DOCK10: variants seen among roughly 807,000 people sequenced by gnomAD.
DOCK10 encodes dedicator of cytokinesis 10.
In DOCK10, 145 loss-of-function variants were observed where a neutral mutation model predicts 280.1. The observed-to-expected ratio is 0.52, with a 90% CI of 0.45 to 0.59. DOCK10 has a LOEUF of 0.59. DOCK10 is among the 20% of genes least tolerant of loss of function. The pLI, the probability that DOCK10 is intolerant of heterozygous loss-of-function variation, is 0.00. For synonymous variants in DOCK10, 915 were observed against 942.2 expected, an observed-to-expected ratio of 0.97 and a Z score of 0.53; for missense variants, 2,368 against 2,651.7, an observed-to-expected ratio of 0.89 and a Z score of 2.35.
At chr2:224,839,838 A>T in intron 24 of DOCK10, 116 bp downstream of exon 24, 1 of 459,662 alleles carries the variant, frequency 2.2e-6, no homozygotes, top group Non-Finnish European at 3.9e-6. Flanking sequence ...CTTAAATTTG[A>T]GATGTGTTCA....
chr2:224,876,048 A>T lies in DOCK10; in HGVS notation c.921T>A (p.Asp307Glu). 1.9e-6 allele frequency: 3 copies of T among 1,612,616 alleles called. No homozygotes were observed. The highest frequency in any genetic ancestry group is 2.5e-6 in the Non-Finnish European group (3 of 1,179,468). The change falls in exon 8 of 56, where the codon GAT becomes GAA. Residue 307 changes from aspartate to glutamate, a missense_variant. Physicochemically the swap from Asp to Glu is conservative, Grantham distance 45. Transcript: ENST00000258390. ...TTCATATGCTCTCACCCAGACCCAG[A>T]TCAGTGAGCTCTGTGCTCCTCCTCC... ...LQGRRSTELTDLGLDSLDNSV... is the reference protein window; with the variant it reads ...LQGRRSTELTELGLDSLDNSV...
At chr2:225,029,892 C>T (rs969618089) in intron 1 of DOCK10, among the ~76,000 whole-genome samples, 2 of 151,760 alleles carry the variant, frequency 1.3e-5, no homozygotes, top group African/African-American at 4.8e-5. Context: ...ACCTGTAATC[C>T]CAGCACTTTG....
intron 27 of DOCK10, among the ~76,000 whole-genome samples, chr2:224,827,611 C>T (rs951673370): frequency 3.3e-5 from 5 of 152,128 alleles, no homozygotes; most frequent in African/African-American, 4.8e-5. Flanking sequence ...GCGTCGTTTT[C>T]GTCAGCTAAC....
intron 29 of DOCK10, among the ~76,000 whole-genome samples, chr2:224,818,525 G>A (rs1421506878): frequency 6.6e-6 from 1 of 151,720 alleles, no homozygotes; most frequent in African/African-American, 2.4e-5. Flanking sequence ...AGCATCCTGA[G>A]TAGCTGGAGC....
At chr2:224,889,352 T>C (rs1009169395) in intron 4 of DOCK10, among the ~76,000 whole-genome samples, 2 of 152,236 alleles carry the variant, frequency 1.3e-5, no homozygotes, top group African/African-American at 4.8e-5. Flanking sequence ...AAAGGAACAT[T>C]GGCCTCACTG....
At chr2:224,994,029 T>G (rs1194206935) in intron 1 of DOCK10, among the ~76,000 whole-genome samples, 1 of 152,208 alleles carries the variant, frequency 6.6e-6, no homozygotes, top group Non-Finnish European at 1.5e-5. Flanking sequence ...TGAACATGCT[T>G]TGGGTTCTAA....
At position 224,864,635 on chromosome 2, in the gene DOCK10, A is replaced by G. The variant is rs1278767282; in HGVS notation, c.1520T>C (p.Leu507Ser). ...SVSNPHSEIV[L>S]VAKIEKVLMG... ...CAAGACTTTTTCGATTTTGGCCACC[A>G]AAACAATTTCAGAATGTGGATTGCT... The change falls in exon 13 of 56, where the codon TTG becomes TCG. Residue 507 changes from leucine (L) to serine (S), a missense_variant. Physicochemically the swap from Leu to Ser is moderately radical, Grantham distance 145. Transcript: ENST00000258390. 6.2e-7 allele frequency: 1 copy of G among 1,613,534 alleles called. No homozygotes were observed. The highest frequency in any genetic ancestry group is 2.2e-5 in the East Asian group (1 of 44,874).
rs1046825781 is a variant in DOCK10 at position 224,916,783 on chromosome 2, G to T, written c.245C>A (p.Ala82Glu). ...GCGGATATCCCAGGAAACTGTGGCT[G>T]CCTGAAACGAACAATGAAAAGAAAT... ...LLFFPSDDFSAATVSWDIRTL... is the reference protein window; with the variant it reads ...LLFFPSDDFSEATVSWDIRTL... The change falls in exon 3 of 56, where the codon GCA (alanine) becomes GAA (glutamate). Residue 82 changes from alanine to glutamate, a missense_variant and splice_region_variant. By Grantham distance (107) the Ala-to-Glu change is moderately radical. Around this residue, in one of 2 missense-constraint regions of DOCK10, gnomAD observed 1,209 missense variants for 1,250.9 expected, o/e 0.97. Coordinates refer to ENST00000258390, the MANE Select transcript of DOCK10 (RefSeq NM_014689.3). 3.1e-6 allele frequency: 5 copies of T among 1,607,032 alleles called. No individual in the cohort carries two copies. Among genetic ancestry groups the T allele is most frequent in the South Asian group, 1.1e-5 (1 of 89,596 alleles).
rs1553623606 is a variant in DOCK10, at chr2:224,961,412, C to CTCTTTCTCTTTCTT, written c.124-29745_124-29744insAAGAAAGAGAAAGA. 1.7e-3 allele frequency among the ~76,000 whole-genome samples: 209 copies of CTCTTTCTCTTTCTT among 119,452 alleles called. 3 individuals are homozygous for CTCTTTCTCTTTCTT. The highest frequency in any genetic ancestry group is 6.8e-3 in the African/African-American group (202 of 29,792). 78.4% of individuals were successfully genotyped at this position (119,452 alleles called of 152,430 possible). On this transcript the variant is annotated intron_variant, in intron 1 of 55. Coordinates refer to ENST00000258390, the MANE Select transcript of DOCK10 (RefSeq NM_014689.3). ...ATAGCAGCATTTTCTTTCTTTCTTT[C>CTCTTTCTCTTTCTT]TCTTTCTTTCTTTCTTTCTTTCTTT...
rs1235207045 is a variant in DOCK10, at chr2:224,896,296, G to A, written c.415C>T (p.Arg139Ter). Residue 139 changes from arginine to a stop codon, truncating the protein, a stop_gained and splice_region_variant, in exon 4 of 56, where the codon CGA becomes TGA. Coordinates refer to ENST00000258390, the MANE Select transcript of DOCK10 (RefSeq NM_014689.3). LOFTEE classifies it high-confidence loss of function. ...QYSGDIRQLP[R>*]AEYKPEKLPS... ...TAAGTGCTCATAACAGGTTCTTACC[G>A]GGGTAGCTGTCGAATGTCTCCAGAA... is the stretch of plus-strand genomic sequence containing the variant. The A allele has an allele frequency of 1.3e-5, 20 of 1,579,672 alleles. No homozygotes were observed. The highest frequency in any genetic ancestry group is 1.6e-5 in the Non-Finnish European group (19 of 1,152,876).
intron 1 of DOCK10, among the ~76,000 whole-genome samples, chr2:224,935,279 T>TC (rs1702621106): frequency 6.6e-6 from 1 of 152,198 alleles, no homozygotes; most frequent in Non-Finnish European, 1.5e-5. Flanking sequence ...TAATTCAAGA[T>TC]CAAATGGATG....
chr2:224,985,339 G>C (rs897060125), intron 1 of DOCK10, among the ~76,000 whole-genome samples: 1 of 151,664 alleles, frequency 6.6e-6, no homozygotes, highest in African/African-American at 2.4e-5. Flanking sequence ...TTGGAAGCTA[G>C]ATTTCATCCT....
intron 52 of DOCK10, among the ~76,000 whole-genome samples, chr2:224,773,895 C>T (rs2124978858): frequency 6.6e-6 from 1 of 152,276 alleles, no homozygotes; most frequent in Non-Finnish European, 1.5e-5. Context: ...CTCCCATGTG[C>T]TGGGATTACA....
chr2:224,813,199 T>G (rs1693900806), intron 31 of DOCK10, among the ~76,000 whole-genome samples: 1 of 152,124 alleles, frequency 6.6e-6, no homozygotes, highest in South Asian at 2.1e-4. Flanking sequence ...ATATACAAAA[T>G]TTTTATTATT....
chr2:224,929,437 A>C (rs1304258980), intron 2 of DOCK10, among the ~76,000 whole-genome samples: 2 of 151,956 alleles, frequency 1.3e-5, no homozygotes, highest in Admixed American at 1.3e-4. Context: ...CTTTTACCCC[A>C]GTTGGGAATG....
chr2:224,766,009 G>A (rs1690060520), intron 55 of DOCK10, among the ~76,000 whole-genome samples, 172 bp from the exon 56 acceptor site: 1 of 152,128 alleles, frequency 6.6e-6, no homozygotes, highest in African/African-American at 2.4e-5. Context: ...AAGACCACGT[G>A]CTAGCTTTAA....
chr2:224,837,044 G>T (rs956313817), intron 25 of DOCK10, among the ~76,000 whole-genome samples: 1 of 152,076 alleles, frequency 6.6e-6, no homozygotes. Context: ...AAGAGATTTA[G>T]GTCCTCTATG....
At chr2:225,020,209 G>A (rs1361727966) in intron 1 of DOCK10, among the ~76,000 whole-genome samples, 2 of 151,516 alleles carry the variant, frequency 1.3e-5, no homozygotes, top group African/African-American at 4.9e-5. Context: ...ATATATAAAT[G>A]TTATATAGAT....
At chr2:224,847,340 G>T (rs1032882405) in intron 19 of DOCK10, among the ~76,000 whole-genome samples, 4 of 152,150 alleles carry the variant, frequency 2.6e-5, no homozygotes, top group Admixed American at 6.5e-5. Context: ...TGTGCAGGTG[G>T]TGTGGTCAGT....
Sources: gnomAD v4.1 joint callset for allele counts (sites outside exome capture counted in the v4.1 genomes callset) on GRCh38, gnomAD v4.1.1 for gene constraint, gnomAD v4.1.1 regional missense constraint, MANE v1.5 for transcripts, NCBI Gene and HGNC (gene_info 2026-07-23, HGNC 2026-07-21) for gene names.